Variants in GTF2H1 observed in about 807,000 individuals in gnomAD.
GTF2H1 encodes the protein general transcription factor IIH subunit 1.
In GTF2H1, 16 loss-of-function variants were observed where a neutral mutation model predicts 71.2. The ratio of observed to expected loss-of-function variants is 0.22; its 90% CI spans 0.15 to 0.34. GTF2H1 has a LOEUF of 0.34. GTF2H1 is among the 10% of genes least tolerant of loss of function. The pLI is 1.00. For synonymous variants in GTF2H1, 215 were observed against 219.0 expected, an observed-to-expected ratio of 0.98 and a Z score of 0.16; for missense variants, 498 against 648.2, an observed-to-expected ratio of 0.77 and a Z score of 2.52.
At chr11:18,363,966 C>T (rs1199964191) in intron 14 of GTF2H1, among the ~76,000 whole-genome samples, 5 of 151,886 alleles carry the variant, frequency 3.3e-5, no homozygotes, top group African/African-American at 4.8e-5. Context: ...CCCAGCTACT[C>T]GGGAAGTTGA....
At chr11:18,359,799 C>T (rs976992869) in intron 13 of GTF2H1, among the ~76,000 whole-genome samples, 1 of 151,764 alleles carries the variant, frequency 6.6e-6, no homozygotes, top group Non-Finnish European at 1.5e-5. Flanking sequence ...CAGCCGCTAC[C>T]TTCTGGGCTG....
chr11:18,333,789 C>G (rs1385440563), intron 2 of GTF2H1, among the ~76,000 whole-genome samples: 1 of 152,158 alleles, frequency 6.6e-6, no homozygotes, highest in African/African-American at 2.4e-5. Context: ...CATGCTTGGC[C>G]AGGTTTATGC....
chr11:18,335,689 C>T (rs1237768568), intron 2 of GTF2H1, 65 bp from the exon 3 acceptor site: 5 of 1,167,148 alleles, frequency 4.3e-6, no homozygotes, highest in Non-Finnish European at 6.3e-6. Flanking sequence ...GGAGAAGTAA[C>T]TTACTGTATG....
chr11:18,354,454 C>T (rs750800147), intron 11 of GTF2H1, among the ~76,000 whole-genome samples: 1 of 152,152 alleles, frequency 6.6e-6, no homozygotes, highest in Non-Finnish European at 1.5e-5. Context: ...TCTTTAGAGA[C>T]AGGGTCTTGC....
intron 7 of GTF2H1, among the ~76,000 whole-genome samples, chr11:18,346,149 T>C (rs1304629651): frequency 1.3e-5 from 2 of 152,224 alleles, no homozygotes; most frequent in Non-Finnish European, 1.5e-5. Flanking sequence ...TGGACCACCG[T>C]TATTAGTGTA....
At chr11:18,344,512 A>T (rs1865238109) in intron 7 of GTF2H1, among the ~76,000 whole-genome samples, 1 of 150,958 alleles carries the variant, frequency 6.6e-6, no homozygotes, top group Non-Finnish European at 1.5e-5. Flanking sequence ...CCAGCTACCC[A>T]GGAGGCTGAG....
In GTF2H1 at chr11:18,322,608, AC is replaced by A. The variant is rs1210013981; in HGVS notation, c.-147del. On this transcript the variant is annotated 5_prime_UTR_variant, in exon 1 of 15. It removes the in-frame stop codon of an upstream open reading frame in the 5' UTR. Coordinates refer to ENST00000265963, the MANE Select transcript of GTF2H1 (RefSeq NM_005316.4). ...GCGATGGAGGCGAGACCCCCTAGTA[AC>A]AGAGGCGGTGGCTACTGCTGCGGCC... 2.0e-5 allele frequency: 3 copies of A among 152,160 alleles called. No homozygotes were observed. Among genetic ancestry groups the A allele is most frequent in the Non-Finnish European group, 4.4e-5 (3 of 68,046 alleles). 9.4% of individuals were successfully genotyped at this position (152,160 alleles called of 1,614,324 possible).
rs1006552664 is a variant in GTF2H1, at chr11:18,366,865, C to G, written c.*996C>G. ...TTACTGTCCTTGGCGAATCGATAATCATTGCATAGTGACTGAAAAGCCTAA... is the reference window on the plus strand; with the variant it reads ...TTACTGTCCTTGGCGAATCGATAATGATTGCATAGTGACTGAAAAGCCTAA... On this transcript the variant is annotated 3_prime_UTR_variant, in exon 15 of 15. Coordinates refer to ENST00000265963, the MANE Select transcript of GTF2H1 (RefSeq NM_005316.4). 4.1e-5 allele frequency: 6 copies of G among 145,172 alleles called. No individual in the cohort carries two copies. Among genetic ancestry groups the G allele is most frequent in the African/African-American group, 1.5e-4 (6 of 39,558 alleles). 9.0% of individuals were successfully genotyped at this position (145,172 alleles called of 1,614,324 possible).
At chr11:18,344,373 C>G (rs1433306471) in intron 7 of GTF2H1, among the ~76,000 whole-genome samples, 3 of 152,080 alleles carry the variant, frequency 2.0e-5, no homozygotes, top group Admixed American at 6.5e-5. Flanking sequence ...TGATCGAGCA[C>G]TTTGGGACGC....
intron 1 of GTF2H1, among the ~76,000 whole-genome samples, chr11:18,327,568 G>A (rs1238658055): frequency 6.6e-6 from 1 of 152,118 alleles, no homozygotes; most frequent in Non-Finnish European, 1.5e-5. Flanking sequence ...ATGCCTATAA[G>A]AAACTTAGTG....
At chr11:18,331,193 A>G (rs1422041713) in intron 1 of GTF2H1, among the ~76,000 whole-genome samples, 1 of 152,036 alleles carries the variant, frequency 6.6e-6, no homozygotes, top group African/African-American at 2.4e-5. Flanking sequence ...AGTAGCTGGG[A>G]CTGCAGGAGC....
In GTF2H1 at chr11:18,339,715, T is replaced by G; in HGVS notation, c.607+58T>G. The G allele has an allele frequency of 8.8e-6, 9 of 1,022,960 alleles. No homozygotes were observed. The South Asian group carries it at 1.2e-4, about 13-fold the overall frequency. 63.4% of individuals were successfully genotyped at this position (1,022,960 alleles called of 1,614,324 possible). A position where few individuals can be genotyped will look rare whatever the true frequency, so the allele number is the denominator to read the frequency against. On this transcript the variant is annotated intron_variant, in intron 5 of 14. Coordinates refer to ENST00000265963, the MANE Select transcript of GTF2H1 (RefSeq NM_005316.4). ...ATATATGGATATATTCTATAGTATATCAGTGAAAAACAAAAAGCTTCAGAT... is the reference window on the plus strand; with the variant it reads ...ATATATGGATATATTCTATAGTATAGCAGTGAAAAACAAAAAGCTTCAGAT...
chr11:18,336,986 A>C (rs903384685), intron 3 of GTF2H1, among the ~76,000 whole-genome samples: 1 of 152,098 alleles, frequency 6.6e-6, no homozygotes, highest in Admixed American at 6.6e-5. Context: ...CCTGACCTCA[A>C]GTGATCTGCC....
chr11:18,334,107 CG>C (rs1198602812), intron 2 of GTF2H1, among the ~76,000 whole-genome samples: 1 of 152,082 alleles, frequency 6.6e-6, no homozygotes, highest in East Asian at 1.9e-4. Flanking sequence ...GGGCCGGGCG[CG>C]GTGGCTCACG....
intron 7 of GTF2H1, among the ~76,000 whole-genome samples, chr11:18,344,520 G>A (rs1433142255): frequency 1.3e-5 from 2 of 151,202 alleles, no homozygotes; most frequent in Non-Finnish European, 2.9e-5. Context: ...CCAGGAGGCT[G>A]AGGCAGGAGA....
At chr11:18,336,234 C>G (rs545055759) in intron 3 of GTF2H1, among the ~76,000 whole-genome samples, 3 of 152,262 alleles carry the variant, frequency 2.0e-5, no homozygotes, top group South Asian at 2.1e-4. Flanking sequence ...TCAAGCAATT[C>G]TCCTGTCTCA....
At chr11:18,356,398 A>G (rs1335370650) in intron 11 of GTF2H1, among the ~76,000 whole-genome samples, 1 of 149,740 alleles carries the variant, frequency 6.7e-6, no homozygotes, top group African/African-American at 2.5e-5. Flanking sequence ...AAAAAAAAAA[A>G]TCTGGGCACT....
chr11:18,359,931 G>A (rs1378649229), intron 13 of GTF2H1, among the ~76,000 whole-genome samples: 1 of 151,592 alleles, frequency 6.6e-6, no homozygotes, highest in African/African-American at 2.4e-5. Flanking sequence ...AGACCAACTT[G>A]GGCAACATGG....
At chr11:18,325,621 G>T (rs1191940124) in intron 1 of GTF2H1, among the ~76,000 whole-genome samples, 1 of 151,992 alleles carries the variant, frequency 6.6e-6, no homozygotes, top group Non-Finnish European at 1.5e-5. Flanking sequence ...TGTTGTAAGT[G>T]CCATGAAGAA....
Sources: gnomAD v4.1 joint callset for allele counts (sites outside exome capture counted in the v4.1 genomes callset) on GRCh38, gnomAD v4.1.1 for gene constraint, MANE v1.5 for transcripts, NCBI Gene and HGNC (gene_info 2026-07-23, HGNC 2026-07-21) for gene names.